MLH3: variants seen among roughly 807,000 people sequenced by gnomAD.
The protein encoded by MLH3 is mutL homolog 3.
In MLH3, 82 loss-of-function variants were observed where a neutral mutation model predicts 122.2. That is an observed-to-expected ratio of 0.67 (90% confidence interval 0.56 to 0.81). The LOEUF (loss-of-function observed/expected upper bound fraction) is 0.81. Ranked by LOEUF, MLH3 falls within the 30% of genes least tolerant of loss-of-function variation. MLH3 has a pLI of 0.00. For missense variants in MLH3, 1,539 were observed against 1,714.5 expected, an observed-to-expected ratio of 0.90 and a Z score of 1.81; for synonymous variants, 524 against 599.5, an observed-to-expected ratio of 0.87 and a Z score of 1.84.
At position 75,047,557 on chromosome 14, in the gene MLH3, C is replaced by A; in HGVS notation, c.2099G>T (p.Gly700Val). 6.2e-7 allele frequency: 1 copy of A among 1,613,972 alleles called. No individual in the cohort carries two copies. The highest frequency in any genetic ancestry group is 8.5e-7 in the Non-Finnish European group (1 of 1,179,998). Residue 700 changes from glycine (G) to valine (V), a missense_variant, in exon 2 of 13, where the codon GGT (glycine) becomes GTT (valine). Coordinates refer to ENST00000355774, the MANE Select transcript of MLH3 (RefSeq NM_001040108.2). The stretch of plus-strand genomic sequence containing the variant: ...GCAATCTGTTTGTGATTTTTTGCTA[C>A]CTTCCTGAAAAGCAGAAAACATTGT... ...TYTMFSAFQE[G>V]SKKSQTDCIL...
At chr14:75,026,024 C>T (rs1890607324) in intron 9 of MLH3, among the ~76,000 whole-genome samples, 1 of 152,206 alleles carries the variant, frequency 6.6e-6, no homozygotes, top group Admixed American at 6.5e-5. Flanking sequence ...CCCTCTGCTA[C>T]TGACTCAGTC....
chr14:75,034,866 T>C (rs1266289568), intron 6 of MLH3, among the ~76,000 whole-genome samples: 1 of 151,308 alleles, frequency 6.6e-6, no homozygotes, highest in South Asian at 2.1e-4. Flanking sequence ...GAATTCAAGA[T>C]CAGCTGACCA....
chr14:75,019,516 C>T (rs1002679127), intron 11 of MLH3, among the ~76,000 whole-genome samples: 12 of 151,036 alleles, frequency 7.9e-5, no homozygotes, highest in Non-Finnish European at 1.2e-4. Context: ...CTTTTTCTTA[C>T]GGAGTATTTG....
intron 9 of MLH3, among the ~76,000 whole-genome samples, chr14:75,028,832 C>G (rs1193155365): frequency 6.6e-6 from 1 of 151,740 alleles, no homozygotes; most frequent in Non-Finnish European, 1.5e-5. Flanking sequence ...ACACTGTATT[C>G]TTACAATTAA....
chr14:75,039,846 CATATATATATATAT>C (rs145063005), intron 5 of MLH3, 51 bp downstream of exon 5: 7,567 of 307,688 alleles, frequency 0.025, 36 homozygotes, highest in South Asian at 0.031. Context: ...AGAGTTAGGC[CATATATATATATAT>C]ATATATATAT....
chr14:75,028,740 C>T (rs1890828023), intron 9 of MLH3, among the ~76,000 whole-genome samples: 1 of 151,590 alleles, frequency 6.6e-6, no homozygotes, highest in African/African-American at 2.4e-5. Flanking sequence ...ATCTTAACTA[C>T]CAATAGCCTA....
chr14:75,023,049 C>CT (rs540583396), intron 9 of MLH3, 31 bp from the exon 10 acceptor site: 10 of 1,613,560 alleles, frequency 6.2e-6, no homozygotes, highest in Non-Finnish European at 8.5e-6. Flanking sequence ...CGGCTTTAAT[C>CT]TACGGTTATG....
rs1457642070 is a variant in MLH3, at chr14:75,016,135, G to C, written c.*947C>G. On this transcript the variant is annotated 3_prime_UTR_variant, in exon 13 of 13. Coordinates refer to ENST00000355774, the MANE Select transcript of MLH3 (RefSeq NM_001040108.2). The stretch of plus-strand genomic sequence containing the variant: ...AAGCATTTGCAGAACGATCAGTCCT[G>C]GTCCCAAGTGATATTATAAGGGCAA... 2 of 223,182 alleles carry C rather than the reference G, an allele frequency of 9.0e-6. No individual in the cohort carries two copies. Among genetic ancestry groups the C allele is most frequent in the Non-Finnish European group, 1.8e-5 (2 of 111,818 alleles). The allele number at this position is 223,182 out of a possible 1,614,324, so 13.8% of individuals were successfully genotyped here.
Position 75,046,801 on chromosome 14 carries a change from T to C in MLH3, c.2855A>G (p.Lys952Arg), listed in dbSNP as rs1892265235. ...TGTTGTATTGCTGTTAGAATGTGTT[T>C]TACTATTTTTATTAAAGGAATTATC... ...TQDNSFNKNS[K>R]THSNSNTTEN... Residue 952 changes from lysine (K) to arginine (R), a missense_variant, in exon 2 of 13, where the codon AAA (lysine) becomes AGA (arginine). Coordinates refer to ENST00000355774, the MANE Select transcript of MLH3 (RefSeq NM_001040108.2). 6.2e-7 allele frequency: 1 copy of C among 1,614,052 alleles called. No individual in the cohort carries two copies. The highest frequency in any genetic ancestry group is 8.5e-7 in the Non-Finnish European group (1 of 1,179,996).
At chr14:75,018,800 C>G in intron 12 of MLH3, 29 bp downstream of exon 12, 1 of 1,612,400 alleles carries the variant, frequency 6.2e-7, no homozygotes, top group Non-Finnish European at 8.5e-7. Flanking sequence ...AACTTTGCTC[C>G]CTCCTGCTCC....
Position 75,022,878 on chromosome 14 carries a change from G to A in MLH3, c.4026C>T (p.Thr1342=), listed in dbSNP as rs770765370. ...GTGGCAATGTCCCTTGGATGCCTCCGGTGGTCTGGAGTAGCTAATGCATAA... is the reference window on the plus strand; with the variant it reads ...GTGGCAATGTCCCTTGGATGCCTCCAGTGGTCTGGAGTAGCTAATGCATAA... The part of the protein sequence containing the change: ...IREQLELLQT[T]GGIQGTLPLT... Residue 1342 remains threonine (T), a synonymous_variant, in exon 11 of 13, where the codon ACC becomes ACT. Transcript: ENST00000355774. The A allele has an allele frequency of 1.8e-5, 29 of 1,614,012 alleles. No individual in the cohort carries two copies. The highest frequency in any genetic ancestry group is 2.3e-5 in the Non-Finnish European group (27 of 1,180,028).
At chr14:75,036,885 T>A (rs1425521593) in intron 6 of MLH3, 2 of 405,810 alleles carry the variant, frequency 4.9e-6, no homozygotes, top group Non-Finnish European at 1.0e-5. Flanking sequence ...CATCTAACCA[T>A]GTCTCAGATA....
At chr14:75,026,276 G>A (rs1890622960) in intron 9 of MLH3, among the ~76,000 whole-genome samples, 1 of 152,092 alleles carries the variant, frequency 6.6e-6, no homozygotes, top group Non-Finnish European at 1.5e-5. Context: ...CATGAAAAAA[G>A]CAGGACACCA....
At chr14:75,034,157 C>G (rs1891231979) in intron 6 of MLH3, among the ~76,000 whole-genome samples, 1 of 150,012 alleles carries the variant, frequency 6.7e-6, no homozygotes, top group Non-Finnish European at 1.5e-5. Flanking sequence ...TGCACCACTG[C>G]ACTCCAGCCT....
At position 75,048,465 on chromosome 14, in the gene MLH3, A is replaced by T. The variant is rs1451538423; in HGVS notation, c.1191T>A (p.Ile397=). 6.2e-7 allele frequency: 1 copy of T among 1,612,374 alleles called. No individual in the cohort carries two copies. The highest frequency in any genetic ancestry group is 8.5e-7 in the Non-Finnish European group (1 of 1,179,662). ...AATTAAACATCTCATAGGAATCTAA[A>T]ATATTATTACATGCTTCCTGGAAAT... is the stretch of plus-strand genomic sequence containing the variant. ...RSNFQEACNN[I]LDSYEMFNLQ... Residue 397 remains isoleucine (I), a synonymous_variant, in exon 2 of 13, where the codon ATT becomes ATA. Coordinates refer to ENST00000355774, the MANE Select transcript of MLH3 (RefSeq NM_001040108.2).
In MLH3 at chr14:75,048,861, A is replaced by G; in HGVS notation, c.795T>C (p.His265=). 6.2e-7 allele frequency: 1 copy of G among 1,614,096 alleles called. No individual in the cohort carries two copies. Among genetic ancestry groups the G allele is most frequent in the Non-Finnish European group, 8.5e-7 (1 of 1,179,962 alleles). The change falls in exon 2 of 13, where the codon CAT becomes CAC. Residue 265 remains histidine (H), a synonymous_variant. Coordinates refer to ENST00000355774, the MANE Select transcript of MLH3 (RefSeq NM_001040108.2). ...NKRLVLRTKL[H]KLIDFLLRKE... ...TCCTTAATAAAAAGTCAATGAGTTT[A>G]TGTAGCTTTGTCCTTAAAACTAGTC...
intron 5 of MLH3, 41 bp downstream of exon 5, chr14:75,039,847 ATATATATATATATATATATATAT>A: frequency 1.1e-4 from 1 of 9,050 alleles, no homozygotes; most frequent in Non-Finnish European, 1.8e-4. Flanking sequence ...GAGTTAGGCC[ATATATATATATATATATATATAT>A]ATATATATAT....
intron 7 of MLH3, 54 bp downstream of exon 7, chr14:75,033,365 G>A: frequency 7.2e-7 from 1 of 1,379,318 alleles, no homozygotes; most frequent in Non-Finnish European, 1.0e-6. Context: ...TCTTTGAGGT[G>A]TACTGATTCT....
intron 4 of MLH3, among the ~76,000 whole-genome samples, chr14:75,041,049 TTTAAC>T (rs1489051144): frequency 6.6e-6 from 1 of 152,184 alleles, no homozygotes; most frequent in African/African-American, 2.4e-5. Context: ...AAATTTTATT[TTTAAC>T]TAATTTACTT....
Sources: gnomAD v4.1 joint callset for allele counts (sites outside exome capture counted in the v4.1 genomes callset) on GRCh38, gnomAD v4.1.1 for gene constraint, MANE v1.5 for transcripts, NCBI Gene and HGNC (gene_info 2026-07-23, HGNC 2026-07-21) for gene names.